Variants in STON1 observed in about 807,000 individuals in gnomAD.
STON1 encodes stonin-1.
In STON1, 79 loss-of-function variants were observed where a neutral mutation model predicts 60.9. That is an observed-to-expected ratio of 1.30 (90% confidence interval 1.08 to 1.56). The LOEUF is 1.56. Among genes scored for constraint, STON1 ranks in the 40% most tolerant of loss-of-function variants. The pLI is 0.00. For missense variants in STON1, 1,166 were observed against 858.9 expected (o/e 1.36, Z -4.47); for synonymous variants, 363 against 306.9 (o/e 1.18, Z -1.91).
intron 2 of STON1, among the ~76,000 whole-genome samples, chr2:48,589,161 C>T (rs531930622): frequency 1.3e-5 from 2 of 152,240 alleles, no homozygotes; most frequent in South Asian, 2.1e-4. Flanking sequence ...GTCATCAGCA[C>T]GTTGGTTGCT....
chr2:48,582,335 A>C lies in STON1; in HGVS notation c.1702A>C (p.Ile568Leu), dbSNP rs1234184694. Residue 568 changes from isoleucine (I) to leucine (L), a missense_variant, in exon 2 of 4, where the codon ATA becomes CTA. Physicochemically the swap from Ile to Leu is conservative, Grantham distance 5. Transcript: ENST00000404752. ...YAGSLRSCDN[I>L]RIHFPVPSQW... ...TGGTTCCTTAAGGTCCTGTGACAAT[A>C]TAAGGATACACTTTCCTGTCCCATC... 3.1e-6 allele frequency: 5 copies of C among 1,614,216 alleles called. No individual in the cohort carries two copies. In the South Asian group the frequency reaches 4.4e-5, roughly 14 times the overall value.
intron 1 of STON1, among the ~76,000 whole-genome samples, chr2:48,563,645 G>A (rs1282850094): frequency 6.6e-6 from 1 of 152,082 alleles, no homozygotes; most frequent in Non-Finnish European, 1.5e-5. Context: ...GCTCCTGAGG[G>A]TTCTGAGGCA....
intron 1 of STON1, among the ~76,000 whole-genome samples, chr2:48,540,557 C>G (rs1671611348): frequency 6.6e-6 from 1 of 152,054 alleles, no homozygotes; most frequent in Non-Finnish European, 1.5e-5. Context: ...AGGGCTGTGC[C>G]CCTTTCCTCA....
chr2:48,554,714 T>A (rs376470992), intron 1 of STON1, among the ~76,000 whole-genome samples: 6,698 of 60,474 alleles, frequency 0.11, 1,272 homozygotes, highest in Non-Finnish European at 0.13. Flanking sequence ...AAAATTTTTT[T>A]TTTTTTTTTT....
At chr2:48,551,242 T>TA (rs1381816486) in intron 1 of STON1, among the ~76,000 whole-genome samples, 1 of 152,176 alleles carries the variant, frequency 6.6e-6, no homozygotes, top group African/African-American at 2.4e-5. Flanking sequence ...GGTTGGACTA[T>TA]AGATGGGTGT....
chr2:48,566,218 C>T (rs1053909236), intron 1 of STON1, among the ~76,000 whole-genome samples: 1 of 152,170 alleles, frequency 6.6e-6, no homozygotes, highest in Non-Finnish European at 1.5e-5. Context: ...CTCTGTCACC[C>T]AGGCTGGAGT....
intron 1 of STON1, among the ~76,000 whole-genome samples, chr2:48,566,513 C>T (rs925378297): frequency 9.2e-5 from 14 of 151,542 alleles, no homozygotes; most frequent in African/African-American, 2.9e-4. Context: ...AATCTTCTGA[C>T]GTCGGGTGAT....
intron 1 of STON1, among the ~76,000 whole-genome samples, chr2:48,541,699 C>CAA (rs71399061): frequency 4.6e-3 from 275 of 60,354 alleles, no homozygotes; most frequent in Non-Finnish European, 5.2e-3. Context: ...AACTTCGTCT[C>CAA]AAAAAAAAAA....
chr2:48,580,257 T>A (rs1427405746), intron 1 of STON1, among the ~76,000 whole-genome samples: 5 of 152,200 alleles, frequency 3.3e-5, no homozygotes, highest in Admixed American at 3.3e-4. Context: ...AATTGACTCT[T>A]TTATCATTAT....
At chr2:48,550,196 A>C (rs1419047676) in intron 1 of STON1, among the ~76,000 whole-genome samples, 1 of 152,080 alleles carries the variant, frequency 6.6e-6, no homozygotes, top group Non-Finnish European at 1.5e-5. Flanking sequence ...GAATATAAAT[A>C]TATCTTAAGC....
intron 3 of STON1, among the ~76,000 whole-genome samples, chr2:48,594,312 C>T (rs1185642984): frequency 6.6e-6 from 1 of 152,190 alleles, no homozygotes; most frequent in African/African-American, 2.4e-5. Flanking sequence ...TTCCTATTCA[C>T]AGGGCATGCC....
intron 1 of STON1, among the ~76,000 whole-genome samples, chr2:48,534,122 CTT>C (rs554704979): frequency 3.4e-4 from 51 of 152,184 alleles, no homozygotes; most frequent in African/African-American, 1.2e-3. Flanking sequence ...TAATTTTACT[CTT>C]TGAAAATACA....
intron 1 of STON1, among the ~76,000 whole-genome samples, chr2:48,535,172 T>A (rs1671371811): frequency 6.6e-6 from 1 of 152,136 alleles, no homozygotes; most frequent in East Asian, 1.9e-4. Flanking sequence ...GAGGCTCAAA[T>A]GTACCTGTGT....
intron 1 of STON1, among the ~76,000 whole-genome samples, chr2:48,554,843 C>T (rs540732237): frequency 0.098 from 7,497 of 76,154 alleles, 1,338 homozygotes; most frequent in Non-Finnish European, 0.15. Context: ...GAACAAAGGT[C>T]TCTGGTTTTC....
At chr2:48,550,402 C>T (rs1672048451) in intron 1 of STON1, among the ~76,000 whole-genome samples, 1 of 150,656 alleles carries the variant, frequency 6.6e-6, no homozygotes, top group Non-Finnish European at 1.5e-5. Flanking sequence ...GAGCCTGAGG[C>T]AGGAGAATTG....
intron 1 of STON1, among the ~76,000 whole-genome samples, chr2:48,574,501 A>G (rs939746300): frequency 1.3e-5 from 2 of 152,252 alleles, no homozygotes; most frequent in Non-Finnish European, 2.9e-5. Context: ...GGGTGAATTC[A>G]TGGTATAAGA....
intron 1 of STON1, among the ~76,000 whole-genome samples, chr2:48,562,585 T>A (rs947650093): frequency 6.6e-6 from 1 of 152,244 alleles, no homozygotes; most frequent in East Asian, 1.9e-4. Flanking sequence ...GAAGCAACAC[T>A]GCCTCAGAGA....
rs551557934 is a variant in STON1 at position 48,535,461 on chromosome 2, C to T, written c.-48+5245C>T. Among the ~76,000 whole-genome samples the T allele has an allele frequency of 3.9e-5, 6 of 152,230 alleles. No homozygotes were observed. The South Asian group carries it at 1.2e-3, about 32-fold the overall frequency. ...GCAAGCAGCTCCTGGGATCACTCAT[C>T]CATTCTCTTTGTGGAAGGTACCTTG... On this transcript the variant is annotated intron_variant, in intron 1 of 3. Transcript: ENST00000404752.
At chr2:48,583,681 G>A (rs912624104) in intron 2 of STON1, among the ~76,000 whole-genome samples, 10 of 151,184 alleles carry the variant, frequency 6.6e-5, no homozygotes, top group Non-Finnish European at 1.5e-5. Context: ...ATTGGAGGTG[G>A]GGTTGGGGGA....
Sources: allele counts gnomAD v4.1 joint callset (sites outside exome capture counted in the v4.1 genomes callset), GRCh38; gene constraint gnomAD v4.1.1; transcripts MANE v1.5; gene names NCBI Gene and HGNC (gene_info 2026-07-23, HGNC 2026-07-21).